The following RBBP4 variants were observed in gnomAD, a reference collection of about 807,000 sequenced individuals.
The protein encoded by RBBP4 is RB binding protein 4, chromatin remodeling factor.
A neutral mutation model predicts 57.2 loss-of-function variants in RBBP4; 3 were observed. The ratio of observed to expected loss-of-function variants is 0.05; its 90% CI spans 0.02 to 0.14. The LOEUF (loss-of-function observed/expected upper bound fraction) is 0.14, where lower values mean the gene tolerates loss of function less well. Among genes scored for constraint, RBBP4 ranks in the 10% least tolerant of loss-of-function variants. The pLI is 1.00. For synonymous variants in RBBP4, 151 were observed against 171.5 expected (o/e 0.88, Z 0.93); for missense variants, 107 against 520.6 (o/e 0.21, Z 7.73).
chr1:32,683,915 G>A lies in RBBP4; in HGVS notation c.*4210G>A. 7.8e-7 allele frequency: 1 copy of A among 1,281,864 alleles called. No homozygotes were observed. The highest frequency in any genetic ancestry group is 2.3e-5 in the East Asian group (1 of 42,756). The allele number at this position is 1,281,864 out of a possible 1,614,324, so 79.4% of individuals were successfully genotyped here. On this transcript the variant is annotated 3_prime_UTR_variant, in exon 12 of 12. Transcript: ENST00000373493. ...CCCAAAGTGCTAGGATTACAGGCGTGAGCCACCCCGTCCGGCCTGTTTTTA... is the reference window on the plus strand; with the variant it reads ...CCCAAAGTGCTAGGATTACAGGCGTAAGCCACCCCGTCCGGCCTGTTTTTA...
At chr1:32,674,077 G>T (rs995463375) in intron 11 of RBBP4, among the ~76,000 whole-genome samples, 1 of 152,178 alleles carries the variant, frequency 6.6e-6, no homozygotes, top group African/African-American at 2.4e-5. Flanking sequence ...CTCTGGCCTG[G>T]GCGACAGAGC....
intron 2 of RBBP4, among the ~76,000 whole-genome samples, chr1:32,653,862 G>A (rs1648019593): frequency 1.3e-5 from 2 of 151,806 alleles, no homozygotes; most frequent in South Asian, 4.2e-4. Context: ...GTTTCACCGT[G>A]TTAGCCAGGA....
At chr1:32,677,487 CAA>C (rs1166116724) in intron 11 of RBBP4, among the ~76,000 whole-genome samples, 2 of 145,194 alleles carry the variant, frequency 1.4e-5, no homozygotes, top group African/African-American at 2.5e-5. Context: ...AAAAACAAAA[CAA>C]AAAACAAACA....
At chr1:32,670,831 T>A (rs935893675) in intron 8 of RBBP4, among the ~76,000 whole-genome samples, 35 of 152,292 alleles carry the variant, frequency 2.3e-4, no homozygotes, top group African/African-American at 7.9e-4. Flanking sequence ...TGGTAAAGAT[T>A]AATTCTGGTG....
At chr1:32,653,053 AT>A (rs1372499370) in intron 2 of RBBP4, among the ~76,000 whole-genome samples, 1 of 152,200 alleles carries the variant, frequency 6.6e-6, no homozygotes, top group Non-Finnish European at 1.5e-5. Flanking sequence ...GGGCTAAAAG[AT>A]TAATCCTATG....
rs1204524141 is a variant in RBBP4 at position 32,680,036 on chromosome 1, T to C, written c.*331T>C. 60 of 1,109,118 alleles carry C rather than the reference T, an allele frequency of 5.4e-5. No homozygotes were observed. The highest frequency in any genetic ancestry group is 6.5e-5 in the Non-Finnish European group (59 of 910,194). 68.7% of individuals were successfully genotyped at this position (1,109,118 alleles called of 1,614,324 possible). ...TTTTCAGACTCATTTAAGTAAAGGCTAGAGTGAGTAAGGAATAGAGCCAAA... is the reference window on the plus strand; with the variant it reads ...TTTTCAGACTCATTTAAGTAAAGGCCAGAGTGAGTAAGGAATAGAGCCAAA... On this transcript the variant is annotated 3_prime_UTR_variant, in exon 12 of 12. Transcript: ENST00000373493.
At chr1:32,673,274 C>A (rs1021121844) in intron 11 of RBBP4, among the ~76,000 whole-genome samples, 1 of 152,108 alleles carries the variant, frequency 6.6e-6, no homozygotes, top group African/African-American at 2.4e-5. Flanking sequence ...CATCTATCTG[C>A]GGTGTTTCTC....
chr1:32,673,523 C>T lies in RBBP4; in HGVS notation c.1212+622C>T, dbSNP rs750368542. On this transcript the variant is annotated intron_variant, in intron 11 of 11. Coordinates refer to ENST00000373493, the MANE Select transcript of RBBP4 (RefSeq NM_005610.3). The stretch of plus-strand genomic sequence containing the variant: ...TGCAATCTCGGCTCACTGCAACTTC[C>T]ACCTCCCAGGTTCGATCGATTCTCC... 9.5e-6 allele frequency: 4 copies of T among 419,774 alleles called. 1 individual carries two copies. The highest frequency in any genetic ancestry group is 3.4e-5 in the South Asian group (2 of 58,942). The allele number at this position is 419,774 out of a possible 1,614,324, so 26.0% of individuals were successfully genotyped here.
chr1:32,685,705 C>T lies in RBBP4; in HGVS notation c.*6000C>T, dbSNP rs1649776598. On this transcript the variant is annotated 3_prime_UTR_variant, in exon 12 of 12. Transcript: ENST00000373493. The stretch of plus-strand genomic sequence containing the variant: ...TCTGCATACTGCTGTCCTGATTGCT[C>T]AGTCCTCACTACCTACCAGACCCGT... 1 of 152,202 alleles carries T rather than the reference C, an allele frequency of 6.6e-6. No homozygotes were observed. Among genetic ancestry groups the T allele is most frequent in the African/African-American group, 2.4e-5 (1 of 41,454 alleles). 9.4% of individuals were successfully genotyped at this position (152,202 alleles called of 1,614,324 possible).
chr1:32,675,877 G>GC (rs1649082941), intron 11 of RBBP4, among the ~76,000 whole-genome samples: 2 of 152,090 alleles, frequency 1.3e-5, no homozygotes, highest in South Asian at 4.1e-4. Flanking sequence ...GATCACTTGA[G>GC]CCCAGAAGTT....
chr1:32,667,179 G>A (rs913682481), intron 3 of RBBP4, among the ~76,000 whole-genome samples: 25 of 151,410 alleles, frequency 1.7e-4, no homozygotes, highest in African/African-American at 5.9e-4. Context: ...ACCCCTCCTT[G>A]TGGTGCTGTG....
At chr1:32,652,738 T>G (rs1429777196) in intron 2 of RBBP4, among the ~76,000 whole-genome samples, 1 of 151,972 alleles carries the variant, frequency 6.6e-6, no homozygotes, top group African/African-American at 2.4e-5. Flanking sequence ...AGAGACGGGG[T>G]TTTACCATGT....
chr1:32,651,793 G>A, intron 1 of RBBP4, 121 bp from the exon 2 acceptor site: 1 of 1,191,360 alleles, frequency 8.4e-7, no homozygotes, highest in Non-Finnish European at 1.2e-6. Context: ...CTCTGCCGTG[G>A]GGATTTAGAC....
Position 32,684,114 on chromosome 1 carries a change from C to A in RBBP4, c.*4409C>A. On this transcript the variant is annotated 3_prime_UTR_variant, in exon 12 of 12. Transcript: ENST00000373493. ...CCTTTAAAAAGAGAGAGCCATTTTC[C>A]ATGTGTTTTTGGATAAGCACAATTT... 2 of 1,612,200 alleles carry A rather than the reference C, an allele frequency of 1.2e-6. No homozygotes were observed. The highest frequency in any genetic ancestry group is 1.7e-5 in the Admixed American group (1 of 59,610).
intron 3 of RBBP4, among the ~76,000 whole-genome samples, chr1:32,658,862 A>G (rs1258042997): frequency 1.3e-5 from 2 of 151,494 alleles, no homozygotes; most frequent in Non-Finnish European, 1.5e-5. Flanking sequence ...AAAACTACAT[A>G]TATGTGTGTG....
At chr1:32,670,852 G>A (rs1648844448) in intron 8 of RBBP4, among the ~76,000 whole-genome samples, 1 of 152,178 alleles carries the variant, frequency 6.6e-6, no homozygotes, top group Non-Finnish European at 1.5e-5. Context: ...TGTGAAGGTG[G>A]CGTCTGAACT....
chr1:32,666,614 C>T (rs1423385317), intron 3 of RBBP4, among the ~76,000 whole-genome samples: 1 of 152,160 alleles, frequency 6.6e-6, no homozygotes, highest in Non-Finnish European at 1.5e-5. Context: ...GCTTCAGCCT[C>T]CCAAAGTGCT....
At position 32,661,301 on chromosome 1, in the gene RBBP4, C is replaced by CTTTTTTTTTTTTTTTT. The variant is rs370489912; in HGVS notation, c.310+3729_310+3730insTTTTTTTTTTTTTTTT. Among the ~76,000 whole-genome samples the CTTTTTTTTTTTTTTTT allele has an allele frequency of 1.5e-5, 2 of 132,106 alleles. 1 individual carries two copies. The highest frequency in any genetic ancestry group is 3.1e-5 in the Non-Finnish European group (2 of 64,962). 86.7% of individuals were successfully genotyped at this position (132,106 alleles called of 152,430 possible). On this transcript the variant is annotated intron_variant, in intron 3 of 11. Coordinates refer to ENST00000373493, the MANE Select transcript of RBBP4 (RefSeq NM_005610.3). ...TTGAATGGTAGTTCTATTTTTAGTTCCTTTTTTTTTTTTTTTGAGATGGAG... is the reference window on the plus strand; with the variant it reads ...TTGAATGGTAGTTCTATTTTTAGTTCTTTTTTTTTTTTTTTTCTTTTTTTTTTTTTTTGAGATGGAG...
chr1:32,661,332 CTGT>C (rs1648399646), intron 3 of RBBP4, among the ~76,000 whole-genome samples: 9 of 127,934 alleles, frequency 7.0e-5, no homozygotes, highest in Middle Eastern at 5.4e-3. Flanking sequence ...TGGAGTGTCA[CTGT>C]TGTTGCTGGA....
Sources: allele counts gnomAD v4.1 joint callset (sites outside exome capture counted in the v4.1 genomes callset), GRCh38; gene constraint gnomAD v4.1.1; transcripts MANE v1.5; gene names NCBI Gene and HGNC (gene_info 2026-07-23, HGNC 2026-07-21).